Variants in TTBK2 observed in about 807,000 individuals in gnomAD.
TTBK2 encodes tau tubulin kinase 2.
A neutral mutation model predicts 110.8 loss-of-function variants in TTBK2; 28 were observed. The observed-to-expected ratio is 0.25, with a 90% CI of 0.19 to 0.35. TTBK2 has a LOEUF of 0.35. TTBK2 is among the 10% of genes least tolerant of loss of function. The probability of loss-of-function intolerance (pLI) is 1.00; values close to 1 mark genes in which losing one functional copy is unlikely to be tolerated. For missense variants in TTBK2, 1,369 were observed against 1,500.3 expected, an observed-to-expected ratio of 0.91 and a Z score of 1.45; for synonymous variants, 532 against 527.3, an observed-to-expected ratio of 1.01 and a Z score of -0.12.
At chr15:42,860,640 CTTTTTTTTTT>C (rs796405914) in intron 3 of TTBK2, among the ~76,000 whole-genome samples, 1 of 102,124 alleles carries the variant, frequency 9.8e-6, no homozygotes, top group Non-Finnish European at 1.9e-5. Flanking sequence ...GGTATTCTTT[CTTTTTTTTTT>C]TTTTTTTTTT....
intron 1 of TTBK2, among the ~76,000 whole-genome samples, chr15:42,898,427 C>T (rs995065164): frequency 1.3e-5 from 2 of 151,884 alleles, no homozygotes; most frequent in Non-Finnish European, 2.9e-5. Flanking sequence ...CACCTGTAGT[C>T]CCAGCTACTC....
At chr15:42,796,402 A>T (rs1283283175) in intron 9 of TTBK2, among the ~76,000 whole-genome samples, 1 of 151,980 alleles carries the variant, frequency 6.6e-6, no homozygotes, top group African/African-American at 2.4e-5. Context: ...TCGGGTCTCA[A>T]AAAAAAAGAG....
chr15:42,822,361 A>G (rs114466318), intron 6 of TTBK2, among the ~76,000 whole-genome samples: 2,440 of 152,340 alleles, frequency 0.016, 73 homozygotes, highest in African/African-American at 0.056. Flanking sequence ...AAAGAAAAAG[A>G]AAGTAAAAAA....
At position 42,878,329 on chromosome 15, in the gene TTBK2, T is replaced by C. The variant is rs985400314; in HGVS notation, c.69+220A>G. On this transcript the variant is annotated intron_variant, in intron 2 of 14. Coordinates refer to ENST00000267890, the MANE Select transcript of TTBK2 (RefSeq NM_173500.4). ...TGTATTTTTTTCATCTGTTCAAAAA[T>C]TTAGTACTATACGAAGCAAGAGTAA... Among the ~76,000 whole-genome samples the C allele has an allele frequency of 3.3e-5, 5 of 152,168 alleles. 1 individual carries two copies. The highest frequency in any genetic ancestry group is 1.2e-4 in the African/African-American group (5 of 41,522).
At chr15:42,798,728 T>C (rs1891051088) in intron 9 of TTBK2, among the ~76,000 whole-genome samples, 1 of 152,208 alleles carries the variant, frequency 6.6e-6, no homozygotes, top group Admixed American at 6.5e-5. Flanking sequence ...ATGCTTATAC[T>C]TGGCTGCCAG....
At position 42,752,299 on chromosome 15, in the gene TTBK2, C is replaced by A; in HGVS notation, c.2947G>T (p.Val983Leu). Residue 983 changes from valine (V) to leucine (L), a missense_variant, in exon 14 of 15, where the codon GTG becomes TTG. By Grantham distance (32) the Val-to-Leu change is conservative. This residue lies in a region of TTBK2 where 1,097 missense variants were observed against 1,114.7 expected (regional missense o/e 0.98). Transcript: ENST00000267890. ...AAGGACTTGAATTGTCTTTTTTCCA[C>A]CAGAAGCTTGACTAGGTCTGGCTGA... ...AYQPDLVKLL[V>L]EKRQFKSFLG... The A allele has an allele frequency of 6.2e-7, 1 of 1,614,154 alleles. No homozygotes were observed. The highest frequency in any genetic ancestry group is 8.5e-7 in the Non-Finnish European group (1 of 1,180,018).
At chr15:42,814,051 G>A (rs1024578615) in intron 7 of TTBK2, among the ~76,000 whole-genome samples, 4 of 152,024 alleles carry the variant, frequency 2.6e-5, no homozygotes, top group South Asian at 2.1e-4. Context: ...ACAGAGTCTC[G>A]TTGTCGTCAG....
At chr15:42,794,531 G>A in intron 10 of TTBK2, 113 bp downstream of exon 10, 3 of 1,443,684 alleles carry the variant, frequency 2.1e-6, no homozygotes, top group Admixed American at 1.7e-5. Context: ...AGATCCACAG[G>A]CTTTCCCGGA....
At chr15:42,766,968 G>A (rs1477527708) in intron 13 of TTBK2, among the ~76,000 whole-genome samples, 4 of 152,148 alleles carry the variant, frequency 2.6e-5, no homozygotes, top group Non-Finnish European at 5.9e-5. Context: ...TAGAACTCAG[G>A]ATTAAGAAAC....
At chr15:42,781,967 AT>A (rs559803708) in intron 11 of TTBK2, among the ~76,000 whole-genome samples, 487 of 152,298 alleles carry the variant, frequency 3.2e-3, no homozygotes, top group Middle Eastern at 0.02. Flanking sequence ...TATATATAGT[AT>A]AAGTAGATTT....
chr15:42,864,055 G>A (rs28810091), intron 3 of TTBK2, among the ~76,000 whole-genome samples: 36,380 of 149,960 alleles, frequency 0.24, 5,183 homozygotes, highest in African/African-American at 0.41. Flanking sequence ...CAGAAGTAAC[G>A]CAACGATAAC....
chr15:42,910,169 T>C (rs967764167), intron 1 of TTBK2, among the ~76,000 whole-genome samples: 1 of 152,094 alleles, frequency 6.6e-6, no homozygotes, highest in African/African-American at 2.4e-5. Flanking sequence ...CAGATAATAG[T>C]TATATAAACC....
intron 6 of TTBK2, among the ~76,000 whole-genome samples, chr15:42,823,683 G>GAACAC (rs369376986): frequency 6.6e-6 from 1 of 151,644 alleles, no homozygotes; most frequent in Non-Finnish European, 1.5e-5. Context: ...GGATGGCTTT[G>GAACAC]AACACAACAC....
intron 1 of TTBK2, among the ~76,000 whole-genome samples, chr15:42,895,192 A>G (rs961594932): frequency 3.3e-5 from 5 of 152,228 alleles, no homozygotes; most frequent in Admixed American, 1.3e-4. Context: ...GGATAAGCAA[A>G]AATTACCCAA....
chr15:42,784,321 A>G (rs2140814227), intron 10 of TTBK2, among the ~76,000 whole-genome samples: 2 of 152,188 alleles, frequency 1.3e-5, no homozygotes, highest in South Asian at 4.1e-4. Flanking sequence ...CTTGTCGCCC[A>G]GGCTGGAGTG....
intron 10 of TTBK2, among the ~76,000 whole-genome samples, chr15:42,784,766 T>G (rs1392412017): frequency 3.3e-5 from 5 of 152,242 alleles, no homozygotes; most frequent in Non-Finnish European, 7.4e-5. Context: ...GGGGTTTTAT[T>G]AGAGAGATGT....
At position 42,746,230 on chromosome 15, in the gene TTBK2, ACTC is replaced by A; in HGVS notation, c.3297_3299del (p.Ser1101del). 6.2e-7 allele frequency: 1 copy of A among 1,613,730 alleles called. No homozygotes were observed. The highest frequency in any genetic ancestry group is 1.1e-5 in the South Asian group (1 of 91,060). On this transcript the variant is annotated inframe_deletion, in exon 15 of 15. Coordinates refer to ENST00000267890, the MANE Select transcript of TTBK2 (RefSeq NM_173500.4). ...AGAAAAGGTCTGAGTCGGAGTTACTACTCCCTAGGACTTTATATCTGCGTAGCC... is the reference window on the plus strand; with the variant it reads ...AGAAAAGGTCTGAGTCGGAGTTACTACCTAGGACTTTATATCTGCGTAGCC...
At chr15:42,918,786 A>C (rs2031220462) in intron 1 of TTBK2, among the ~76,000 whole-genome samples, 1 of 152,238 alleles carries the variant, frequency 6.6e-6, no homozygotes, top group African/African-American at 2.4e-5. Context: ...AAGTATTAAA[A>C]TAATCAACAC....
intron 3 of TTBK2, among the ~76,000 whole-genome samples, chr15:42,854,765 G>A (rs1371933045): frequency 6.6e-6 from 1 of 152,196 alleles, no homozygotes; most frequent in Admixed American, 6.5e-5. Context: ...TTGGGACTCG[G>A]AGCCTTAGTC....
Sources: allele counts gnomAD v4.1 joint callset (sites outside exome capture counted in the v4.1 genomes callset), GRCh38; gene constraint gnomAD v4.1.1; regional missense constraint gnomAD v4.1.1; transcripts MANE v1.5; gene names NCBI Gene and HGNC (gene_info 2026-07-23, HGNC 2026-07-21).